SEMA3C: variants seen among roughly 807,000 people sequenced by gnomAD.
SEMA3C encodes semaphorin-3C.
A neutral mutation model predicts 89.4 loss-of-function variants in SEMA3C; 47 were observed. The ratio of observed to expected loss-of-function variants is 0.53; its 90% CI spans 0.42 to 0.67. The LOEUF (loss-of-function observed/expected upper bound fraction) is 0.67, where lower values mean the gene tolerates loss of function less well. Ranked by LOEUF, SEMA3C falls within the 30% of genes least tolerant of loss-of-function variation. SEMA3C has a pLI of 0.00. For synonymous variants in SEMA3C, 310 were observed against 320.2 expected (o/e 0.97, Z 0.34); for missense variants, 839 against 929.1 (o/e 0.90, Z 1.26).
chr7:80,783,084 C>T (rs145133477), intron 12 of SEMA3C, among the ~76,000 whole-genome samples: 135 of 152,118 alleles, frequency 8.9e-4, no homozygotes, highest in Middle Eastern at 6.8e-3. Context: ...TGAGATTTTA[C>T]GTTGTCCTTA....
rs76140889 is a variant in SEMA3C, at chr7:80,865,323, C to T, written c.104-36578G>A. Among the ~76,000 whole-genome samples the T allele has an allele frequency of 9.1e-3, 1,387 of 152,190 alleles. 57 individuals carry two copies. In the East Asian group the frequency reaches 0.13, roughly 14 times the overall value. On this transcript the variant is annotated intron_variant, in intron 2 of 17. Coordinates refer to ENST00000265361, the MANE Select transcript of SEMA3C (RefSeq NM_006379.5). ...TTAAATATACAATTAGACTTAATAA[C>T]ACTTAGCTAACATCTGTAGCCATAT... is the stretch of plus-strand genomic sequence containing the variant.
rs773373441 is a variant in SEMA3C at position 80,748,945 on chromosome 7, C to A, written c.1795G>T (p.Ala599Ser). The change falls in exon 17 of 18, where the codon GCA (alanine) becomes TCA (serine). Residue 599 changes from alanine (A) to serine (S), a missense_variant. By Grantham distance (99) the Ala-to-Ser change is moderately conservative. Coordinates refer to ENST00000265361, the MANE Select transcript of SEMA3C (RefSeq NM_006379.5). Reference protein sequence around the residue: ...FLECAPKSPQASIKWLLQKDK... With the variant: ...FLECAPKSPQSSIKWLLQKDK... ...TTCTGTAACAGCCACTTGATAGATG[C>A]CTGCGGAGACTTGGGGGCACACTCC... 1.1e-5 allele frequency: 18 copies of A among 1,613,184 alleles called. No individual in the cohort carries two copies. The highest frequency in any genetic ancestry group is 1.7e-5 in the Admixed American group (1 of 59,872).
chr7:80,909,722 C>T (rs1161720367), intron 2 of SEMA3C, among the ~76,000 whole-genome samples: 3 of 152,010 alleles, frequency 2.0e-5, no homozygotes, highest in Non-Finnish European at 2.9e-5. Context: ...GCACATCAAA[C>T]GAGCTCTTGA....
intron 1 of SEMA3C, among the ~76,000 whole-genome samples, chr7:80,917,148 A>C (rs1792297271): frequency 6.6e-6 from 1 of 152,246 alleles, no homozygotes; most frequent in South Asian, 2.1e-4. Context: ...GAAATCCATT[A>C]CATTAAAAAG....
intron 2 of SEMA3C, among the ~76,000 whole-genome samples, chr7:80,894,946 C>A (rs906114570): frequency 6.6e-6 from 1 of 152,108 alleles, no homozygotes; most frequent in African/African-American, 2.4e-5. Flanking sequence ...CCTCCCTCAG[C>A]TGTAATATAA....
chr7:80,779,591 C>A lies in SEMA3C; in HGVS notation c.1354+9715G>T, dbSNP rs560472223. ...TATAACAGAAAAAAAGTCTCATTTT[C>A]TTTTCTCTGTCTTTAATGTATCCTC... On this transcript the variant is annotated intron_variant, in intron 12 of 17. Transcript: ENST00000265361. Among the ~76,000 whole-genome samples the A allele has an allele frequency of 2.6e-5, 4 of 152,086 alleles. No individual in the cohort carries two copies. The East Asian group carries it at 7.7e-4, about 29-fold the overall frequency.
chr7:80,758,323 G>A lies in SEMA3C; in HGVS notation c.1643+8C>T, dbSNP rs1788109971. On this transcript the variant is annotated splice_region_variant and intron_variant, in intron 15 of 17. Transcript: ENST00000265361. ...ATTTGGATGTTGAGCCGAGTGTTTAGTGCTCACCGTTTCCCAGTTGGGTAG... is the reference window on the plus strand; with the variant it reads ...ATTTGGATGTTGAGCCGAGTGTTTAATGCTCACCGTTTCCCAGTTGGGTAG... 6.2e-7 allele frequency: 1 copy of A among 1,611,610 alleles called. No individual in the cohort carries two copies. The highest frequency in any genetic ancestry group is 1.3e-5 in the African/African-American group (1 of 74,828).
intron 16 of SEMA3C, among the ~76,000 whole-genome samples, chr7:80,749,745 AGC>A (rs973622489): frequency 6.6e-6 from 1 of 152,182 alleles, no homozygotes; most frequent in African/African-American, 2.4e-5. Flanking sequence ...GCCAGGTGGT[AGC>A]TTAGACATGG....
intron 4 of SEMA3C, among the ~76,000 whole-genome samples, chr7:80,824,352 T>C (rs1789822833): frequency 6.6e-6 from 1 of 152,160 alleles, no homozygotes; most frequent in South Asian, 2.1e-4. Context: ...TACTGTGTCC[T>C]ACCCGCAAGC....
chr7:80,907,095 C>T lies in SEMA3C; in HGVS notation c.103+9584G>A, dbSNP rs544582473. Among the ~76,000 whole-genome samples, 31 of 152,096 alleles carry T rather than the reference C, an allele frequency of 2.0e-4. 1 individual carries two copies. In the South Asian group the frequency reaches 6.0e-3, roughly 30 times the overall value. ...AAATGTACATAATTAGATTTTTACA[C>T]AAAAGTTTTAAAACTCCAGTCACAT... is the stretch of plus-strand genomic sequence containing the variant. On this transcript the variant is annotated intron_variant, in intron 2 of 17. Coordinates refer to ENST00000265361, the MANE Select transcript of SEMA3C (RefSeq NM_006379.5).
upstream of SEMA3C, chr7:80,919,404 G>C: frequency 1.0e-6 from 1 of 983,374 alleles, no homozygotes; most frequent in African/African-American, 1.7e-5. Context: ...GTTGCCGGCG[G>C]CTCTCGAAGA....
intron 5 of SEMA3C, 127 bp downstream of exon 5, chr7:80,818,172 G>T: frequency 1.1e-6 from 1 of 879,510 alleles, no homozygotes; most frequent in Non-Finnish European, 1.7e-6. Flanking sequence ...ATGTAATATA[G>T]TTTGTATTTA....
At chr7:80,863,270 G>A (rs1790816410) in intron 2 of SEMA3C, among the ~76,000 whole-genome samples, 1 of 150,234 alleles carries the variant, frequency 6.7e-6, no homozygotes, top group South Asian at 2.1e-4. Flanking sequence ...CTAATGATCA[G>A]GGAAATGCAA....
At chr7:80,813,561 T>C (rs1209116407) in intron 5 of SEMA3C, among the ~76,000 whole-genome samples, 1 of 152,238 alleles carries the variant, frequency 6.6e-6, no homozygotes, top group Non-Finnish European at 1.5e-5. Flanking sequence ...TAATATTATA[T>C]TGATATATCC....
chr7:80,882,183 T>C (rs982625819), intron 2 of SEMA3C, among the ~76,000 whole-genome samples: 2 of 152,070 alleles, frequency 1.3e-5, no homozygotes, highest in African/African-American at 4.8e-5. Flanking sequence ...ATTCTCAAAA[T>C]GCCACTGACT....
chr7:80,862,482 G>A (rs1439270240), intron 2 of SEMA3C, among the ~76,000 whole-genome samples: 1 of 152,018 alleles, frequency 6.6e-6, no homozygotes, highest in Non-Finnish European at 1.5e-5. Context: ...CTCATGGATG[G>A]GTAGAATCAA....
intron 14 of SEMA3C, among the ~76,000 whole-genome samples, 186 bp downstream of exon 14, chr7:80,761,430 A>G (rs1202369129): frequency 6.6e-6 from 1 of 152,196 alleles, no homozygotes; most frequent in Non-Finnish European, 1.5e-5. Context: ...AAATAAACCT[A>G]TTCGGTCTTT....
chr7:80,797,997 C>CAA, intron 11 of SEMA3C, 95 bp downstream of exon 11: 1 of 1,251,598 alleles, frequency 8.0e-7, no homozygotes, highest in Non-Finnish European at 1.1e-6. Flanking sequence ...GACTCCGTCT[C>CAA]AAAAAAAAAC....
At chr7:80,753,276 C>A (rs3778674) in intron 15 of SEMA3C, among the ~76,000 whole-genome samples, 17,522 of 152,168 alleles carry the variant, frequency 0.12, 1,038 homozygotes, top group South Asian at 0.21. Context: ...CAAGTTTTTA[C>A]TGCATAACAT....
Sources: allele counts gnomAD v4.1 joint callset (sites outside exome capture counted in the v4.1 genomes callset), GRCh38; gene constraint gnomAD v4.1.1; transcripts MANE v1.5; gene names NCBI Gene and HGNC (gene_info 2026-07-23, HGNC 2026-07-21).